Variants in MYO7B observed in about 807,000 individuals in gnomAD.
MYO7B encodes the protein unconventional myosin-VIIb.
Under a neutral mutation model 259.7 loss-of-function variants are expected in MYO7B, and 212 were observed. That is an observed-to-expected ratio of 0.82 (90% confidence interval 0.73 to 0.91). The LOEUF is 0.91. MYO7B is among the 40% of genes least tolerant of loss of function. MYO7B has a pLI of 0.00. For missense variants in MYO7B, 2,732 were observed against 2,813.5 expected (o/e 0.97, Z 0.66); for synonymous variants, 1,197 against 1,166.4 (o/e 1.03, Z -0.54).
intron 15 of MYO7B, 118 bp downstream of exon 15, chr2:127,588,673 G>T: frequency 8.1e-7 from 1 of 1,239,814 alleles, no homozygotes; most frequent in Admixed American, 2.2e-5. Flanking sequence ...GTTGGCACTT[G>T]GGAATCCTGC....
In MYO7B at chr2:127,637,434, G is replaced by A; in HGVS notation, c.*17G>A. ...AGCACCTAGCAGCGGATGCTGGCGT[G>A]TCTGCTCAGGCGCCCTTCCCGACCT... On this transcript the variant is annotated 3_prime_UTR_variant, in exon 48 of 48. Coordinates refer to ENST00000409816, the MANE Select transcript of MYO7B (RefSeq NM_001393586.1). 1 of 1,486,196 alleles carries A rather than the reference G, an allele frequency of 6.7e-7. No homozygotes were observed. The highest frequency in any genetic ancestry group is 1.4e-5 in the South Asian group (1 of 73,490). 92.1% of individuals were successfully genotyped at this position (1,486,196 alleles called of 1,614,324 possible). A position where few individuals can be genotyped will look rare whatever the true frequency, so the allele number is the denominator to read the frequency against.
At chr2:127,592,490 T>C (rs1679594012) in intron 16 of MYO7B, among the ~76,000 whole-genome samples, 1 of 152,138 alleles carries the variant, frequency 6.6e-6, no homozygotes, top group Admixed American at 6.5e-5. Flanking sequence ...GCGCTTCGAG[T>C]AGTTGACAGT....
At position 127,632,871 on chromosome 2, in the gene MYO7B, A is replaced by G. The variant is rs527346268; in HGVS notation, c.5406-387A>G. Among the ~76,000 whole-genome samples, 7 of 152,302 alleles carry G rather than the reference A, an allele frequency of 4.6e-5. No individual in the cohort carries two copies. The East Asian group carries it at 1.4e-3, about 29-fold the overall frequency. ...GGGCAGGTTGACTGTAGGAGTGGCC[A>G]TAATTTCAGTGGCAGCCGTGGTCAC... On this transcript the variant is annotated intron_variant, in intron 39 of 47. Coordinates refer to ENST00000409816, the MANE Select transcript of MYO7B (RefSeq NM_001393586.1).
At position 127,607,557 on chromosome 2, in the gene MYO7B, G is replaced by A. The variant is rs2105025771; in HGVS notation, c.2643+133G>A. 11 of 743,760 alleles carry A rather than the reference G, an allele frequency of 1.5e-5. No homozygotes were observed. In the South Asian group the frequency reaches 1.7e-4, roughly 11 times the overall value. 46.1% of individuals were successfully genotyped at this position (743,760 alleles called of 1,614,324 possible). ...GAAAATCCCCCCGCCCCCGCCACAA[G>A]CCAAGACGTTAAAATCTGTTCAATT... is the stretch of plus-strand genomic sequence containing the variant. On this transcript the variant is annotated intron_variant, in intron 21 of 47. Coordinates refer to ENST00000409816, the MANE Select transcript of MYO7B (RefSeq NM_001393586.1). The surrounding 1 kb of genome is among the most constrained non-coding windows in gnomAD (Gnocchi z 4.4).
intron 31 of MYO7B, 81 bp from the exon 32 acceptor site, chr2:127,626,894 A>C (rs1236605819): frequency 7.7e-7 from 1 of 1,294,902 alleles, no homozygotes; most frequent in Non-Finnish European, 1.1e-6. Context: ...AGGATCCATC[A>C]ACTCTTTTAC....
In MYO7B at chr2:127,620,373, C is replaced by T. The variant is rs1558841050; in HGVS notation, c.3432C>T (p.Leu1144=). ...TTTACTGCCAGATCTGCAAGCAGCT[C>T]TCGGAGAACTTCAAAACAAGCAGCC... ...DEIYCQICKQ[L]SENFKTSSLA... is the part of the protein sequence containing the mutation. Residue 1144 remains leucine, a synonymous_variant, in exon 27 of 48, where the codon CTC becomes CTT. Transcript: ENST00000409816. 6.2e-7 allele frequency: 1 copy of T among 1,612,858 alleles called. No homozygotes were observed.
In MYO7B at chr2:127,539,882, T is replaced by A. The variant is rs1001518736; in HGVS notation, c.-24+4051T>A. 6.6e-6 allele frequency among the ~76,000 whole-genome samples: 1 copy of A among 152,230 alleles called. No homozygotes were observed. ...AAGTCCATTGTATCGTTCTTACGCC[T>A]TTGCAGCCTCATAGCTTAGCTCCCA... On this transcript the variant is annotated intron_variant, in intron 1 of 47. Transcript: ENST00000409816. The surrounding 1 kb of genome is among the most constrained non-coding windows in gnomAD (Gnocchi z 4.0).
chr2:127,566,733 C>T lies in MYO7B; in HGVS notation c.376C>T (p.His126Tyr). 6.2e-7 allele frequency: 1 copy of T among 1,612,920 alleles called. No homozygotes were observed. ...GCAGGTACAGCTCTACTACAGCCGC[C>T]ATATGGGCGAGCTGCCCCCGCATGT... The part of the protein sequence containing the change: ...LEQVQLYYSR[H>Y]MGELPPHVFA... Residue 126 changes from histidine to tyrosine, a missense_variant, in exon 5 of 48, where the codon CAT (histidine) becomes TAT (tyrosine). By Grantham distance (83) the His-to-Tyr change is moderately conservative (BLOSUM62 2). Around this residue, in one of 3 missense-constraint regions of MYO7B, gnomAD observed 1,906 missense variants for 2,026.4 expected, o/e 0.94. Coordinates refer to ENST00000409816, the MANE Select transcript of MYO7B (RefSeq NM_001393586.1).
rs1185885969 is a variant in MYO7B, at chr2:127,613,541, G to A, written c.3398+938G>A. Among the ~76,000 whole-genome samples, 1 of 152,136 alleles carries A rather than the reference G, an allele frequency of 6.6e-6. No individual in the cohort carries two copies. The highest frequency in any genetic ancestry group is 2.4e-5 in the African/African-American group (1 of 41,426). ...AATCTTTTCTGCAAATCCAATACCT[G>A]GGTCATCTCACGGTCAGTCTCTATT... On this transcript the variant is annotated intron_variant, in intron 26 of 47. Transcript: ENST00000409816. This position sits in a 1 kb window ranked among gnomAD's most constrained non-coding sequence, Gnocchi z 4.3.
rs760830979 is a variant in MYO7B, at chr2:127,627,583, G to T, written c.4460+273G>T. On this transcript the variant is annotated intron_variant, in intron 33 of 47. Transcript: ENST00000409816. This position sits in a 1 kb window ranked among gnomAD's most constrained non-coding sequence, Gnocchi z 5.6. The stretch of plus-strand genomic sequence containing the variant: ...AGGTCCACCCGGAAGGGGCAGGGAA[G>T]CGTGCAGCCTCTGGCGGGCACTTAT... The T allele has an allele frequency of 4.5e-5, 26 of 577,416 alleles. No homozygotes were observed. Among genetic ancestry groups the T allele is most frequent in the South Asian group, 4.0e-4 (26 of 65,676 alleles). 35.8% of individuals were successfully genotyped at this position (577,416 alleles called of 1,614,324 possible).
Position 127,632,326 on chromosome 2 carries a change from C to T in MYO7B, c.5330C>T (p.Ala1777Val), listed in dbSNP as rs1269891324. Reference sequence around the variant, plus strand: ...CCCAGCAAGGGGCTGCTGCCCCATGCCCAGAAGTTTATAGACACTCGGAGG... The same window carrying T: ...CCCAGCAAGGGGCTGCTGCCCCATGTCCAGAAGTTTATAGACACTCGGAGG... Reference protein sequence around the residue: ...FPPSKGLLPHAQKFIDTRRGK... With the variant: ...FPPSKGLLPHVQKFIDTRRGK... The change falls in exon 39 of 48, where the codon GCC (alanine) becomes GTC (valine). Residue 1777 changes from alanine to valine, a missense_variant. By Grantham distance (64) the Ala-to-Val change is moderately conservative. Coordinates refer to ENST00000409816, the MANE Select transcript of MYO7B (RefSeq NM_001393586.1). The T allele has an allele frequency of 6.2e-7, 1 of 1,607,408 alleles. No homozygotes were observed. Among genetic ancestry groups the T allele is most frequent in the African/African-American group, 1.3e-5 (1 of 74,626 alleles).
rs1679259783 is a variant in MYO7B, at chr2:127,585,311, G to T, written c.1690+398G>T. On this transcript the variant is annotated intron_variant, in intron 14 of 47. Transcript: ENST00000409816. The surrounding 1 kb of genome is among the most constrained non-coding windows in gnomAD (Gnocchi z 4.3). The stretch of plus-strand genomic sequence containing the variant: ...CTGTCTCTATGGATTTGCCTATTCT[G>T]ACTTTTTGCATAAATGGAACCATAT... Among the ~76,000 whole-genome samples, 1 of 152,128 alleles carries T rather than the reference G, an allele frequency of 6.6e-6. No individual in the cohort carries two copies. The highest frequency in any genetic ancestry group is 1.5e-5 in the Non-Finnish European group (1 of 68,032).
rs545260170 is a variant in MYO7B at position 127,590,083 on chromosome 2, C to T, written c.1855-9C>T. ...GAGACCCACTTGTGCTCTGTGCTTC[C>T]ATTCACAGTCTGCAGACTCAAATAA... On this transcript the variant is annotated splice_polypyrimidine_tract_variant and intron_variant, in intron 15 of 47. Coordinates refer to ENST00000409816, the MANE Select transcript of MYO7B (RefSeq NM_001393586.1). The surrounding 1 kb of genome is among the most constrained non-coding windows in gnomAD (Gnocchi z 4.6). 16 of 1,567,620 alleles carry T rather than the reference C, an allele frequency of 1.0e-5. No individual in the cohort carries two copies. In the Admixed American group the frequency reaches 2.8e-4, roughly 28 times the overall value.
At chr2:127,632,508 C>G (rs1041687674) in intron 39 of MYO7B, 107 bp downstream of exon 39, 150 of 1,362,952 alleles carry the variant, frequency 1.1e-4, no homozygotes, top group Non-Finnish European at 1.4e-4. Flanking sequence ...GGAGGACTCT[C>G]CAGAAGCCAG....
chr2:127,631,052 G>A (rs957780806), intron 36 of MYO7B, 144 bp downstream of exon 36: 13 of 1,373,930 alleles, frequency 9.5e-6, no homozygotes, highest in Non-Finnish European at 1.3e-5. Context: ...TGTGGAGCCT[G>A]CCTGGCCTTC....
chr2:127,598,209 C>T (rs1679842139), intron 19 of MYO7B, among the ~76,000 whole-genome samples: 1 of 152,172 alleles, frequency 6.6e-6, no homozygotes, highest in Non-Finnish European at 1.5e-5. Context: ...AGTGGCTGCA[C>T]CATTTTACAT....
In MYO7B at chr2:127,635,405, T is replaced by C. The variant is rs1385801156; in HGVS notation, c.5820+179T>C. ...AACCAGGAGCAGAGGGCAGCAATGT[T>C]TGGGGACAGTGACTGCACTGGCACC... On this transcript the variant is annotated intron_variant, in intron 43 of 47. Coordinates refer to ENST00000409816, the MANE Select transcript of MYO7B (RefSeq NM_001393586.1). 7 of 648,098 alleles carry C rather than the reference T, an allele frequency of 1.1e-5. No homozygotes were observed. In the South Asian group the frequency reaches 1.1e-4, roughly 11 times the overall value. The allele number at this position is 648,098 out of a possible 1,614,324, so 40.1% of individuals were successfully genotyped here. A position where few individuals can be genotyped will look rare whatever the true frequency, so the allele number is the denominator to read the frequency against.
At chr2:127,572,918 A>G (rs1678705620) in intron 6 of MYO7B, among the ~76,000 whole-genome samples, 1 of 149,318 alleles carries the variant, frequency 6.7e-6, no homozygotes, top group South Asian at 2.3e-4. Flanking sequence ...TTTTAAGATC[A>G]GCCTGTCAGT....
At chr2:127,630,550 C>T (rs1224013892) in intron 35 of MYO7B, among the ~76,000 whole-genome samples, 1 of 152,114 alleles carries the variant, frequency 6.6e-6, no homozygotes, top group Non-Finnish European at 1.5e-5. Context: ...ATGTGGGTGC[C>T]ACAGCCATTG....
Sources: allele counts gnomAD v4.1 joint callset (sites outside exome capture counted in the v4.1 genomes callset), GRCh38; gene constraint gnomAD v4.1.1; regional missense constraint gnomAD v4.1.1; non-coding constraint Gnocchi (gnomAD v3.1); transcripts MANE v1.5; gene names NCBI Gene and HGNC (gene_info 2026-07-23, HGNC 2026-07-21).